Variants in RNF6 observed in about 807,000 individuals in gnomAD.
The protein encoded by RNF6 is E3 ubiquitin-protein ligase RNF6.
RNF6 carries 21 observed loss-of-function variants against 50.1 expected under a neutral mutation model. The ratio of observed to expected loss-of-function variants is 0.42; its 90% CI spans 0.30 to 0.60. RNF6 has a LOEUF of 0.60. Among genes scored for constraint, RNF6 ranks in the 20% least tolerant of loss-of-function variants. The pLI is 0.20. For missense variants in RNF6, 698 were observed against 838.2 expected (o/e 0.83, Z 2.07); for synonymous variants, 255 against 291.8 (o/e 0.87, Z 1.29).
intron 4 of RNF6, among the ~76,000 whole-genome samples, chr13:26,216,543 G>A (rs777278354): frequency 3.3e-5 from 5 of 151,976 alleles, no homozygotes; most frequent in African/African-American, 7.3e-5. Context: ...CTGCCACTGT[G>A]CCAAGCTTAA....
chr13:26,219,282 A>G (rs17083445), intron 3 of RNF6, 175 bp downstream of exon 3: 8,742 of 547,908 alleles, frequency 0.016, 547 homozygotes, highest in African/African-American at 0.14. Context: ...CTTATAAAAT[A>G]CAGAAGCCAG....
intron 5 of RNF6, among the ~76,000 whole-genome samples, chr13:26,145,350 G>C (rs958871049): frequency 4.0e-5 from 6 of 151,818 alleles, no homozygotes; most frequent in African/African-American, 1.5e-4. Flanking sequence ...TCCTTGATGG[G>C]TGATCTGGTT....
At chr13:26,156,453 T>C (rs1871930879) in intron 5 of RNF6, among the ~76,000 whole-genome samples, 1 of 152,148 alleles carries the variant, frequency 6.6e-6, no homozygotes, top group South Asian at 2.1e-4. Flanking sequence ...TTTGCCCAAA[T>C]AAAAGGATAT....
chr13:26,174,216 C>T (rs768348325), intron 5 of RNF6, among the ~76,000 whole-genome samples: 7 of 152,086 alleles, frequency 4.6e-5, no homozygotes, highest in Non-Finnish European at 1.0e-4. Context: ...TTCATCCTCT[C>T]GGTGCCTGTC....
intron 5 of RNF6, among the ~76,000 whole-genome samples, chr13:26,196,738 G>C (rs1237241781): frequency 2.3e-4 from 1 of 4,422 alleles, no homozygotes; most frequent in Non-Finnish European, 0.013. Flanking sequence ...TAAGCTGAAG[G>C]GAAAGTATAC....
intron 5 of RNF6, among the ~76,000 whole-genome samples, chr13:26,207,080 G>A (rs1323308036): frequency 1.3e-5 from 2 of 152,044 alleles, no homozygotes; most frequent in African/African-American, 4.8e-5. Context: ...TGGGCCTACT[G>A]AGCCTAATGG....
Position 26,214,347 on chromosome 13 carries a change from T to A in RNF6, c.1535A>T (p.His512Leu). The stretch of plus-strand genomic sequence containing the variant: ...CAGTTCTGAGTGCATGTCTGGTAAA[T>A]GCTGGCCATTTCTTTGAAGTTCTGA... ...SESELQRNGQ[H>L]LPDMHSELSN... The change falls in exon 5 of 5, where the codon CAT (histidine) becomes CTT (leucine). Residue 512 changes from histidine (H) to leucine (L), a missense_variant. Physicochemically the swap from His to Leu is moderately conservative, Grantham distance 99. Coordinates refer to ENST00000381588, the MANE Select transcript of RNF6 (RefSeq NM_005977.4). 2 of 1,614,164 alleles carry A rather than the reference T, an allele frequency of 1.2e-6. No homozygotes were observed.
intron 5 of RNF6, among the ~76,000 whole-genome samples, chr13:26,170,770 T>C (rs73158254): frequency 0.036 from 5,533 of 152,280 alleles, 108 homozygotes; most frequent in Non-Finnish European, 0.046. Context: ...TGATTCTTAA[T>C]CACAAACCAA....
intron 5 of RNF6, among the ~76,000 whole-genome samples, chr13:26,160,538 CTTCTTCTTTTTT>C (rs1872154568): frequency 2.1e-4 from 11 of 52,760 alleles, no homozygotes; most frequent in African/African-American, 6.0e-4. Flanking sequence ...TTCTTCTCTT[CTTCTTCTTTTTT>C]TTTTTTTTTT....
At chr13:26,154,051 C>T (rs1225923378) in intron 5 of RNF6, 1 of 152,182 alleles carries the variant, frequency 6.6e-6, no homozygotes, top group Non-Finnish European at 1.5e-5. Context: ...GAATCCTAAT[C>T]TAATAACGTG....
chr13:26,138,177 A>G (rs771911771), intron 5 of RNF6, among the ~76,000 whole-genome samples: 29 of 152,316 alleles, frequency 1.9e-4, no homozygotes, highest in Non-Finnish European at 3.2e-4. Context: ...AAACTTTGGC[A>G]TAGAGAAGAC....
At chr13:26,217,338 G>C (rs1869989859) in intron 4 of RNF6, among the ~76,000 whole-genome samples, 1 of 152,206 alleles carries the variant, frequency 6.6e-6, no homozygotes, top group Non-Finnish European at 1.5e-5. Flanking sequence ...ATTAACATTT[G>C]ATTAAGTGTA....
intron 5 of RNF6, among the ~76,000 whole-genome samples, chr13:26,199,568 A>C (rs558540700): frequency 7.1e-4 from 108 of 152,286 alleles, no homozygotes; most frequent in Non-Finnish European, 1.2e-3. Context: ...TTTTCTTCAA[A>C]GATACTATTA....
At chr13:26,137,192 C>T (rs1870689593) in intron 5 of RNF6, among the ~76,000 whole-genome samples, 1 of 152,098 alleles carries the variant, frequency 6.6e-6, no homozygotes, top group African/African-American at 2.4e-5. Flanking sequence ...AAAGCCTCTT[C>T]CTGATGCAGG....
At chr13:26,203,192 T>C (rs1868961346) in intron 5 of RNF6, among the ~76,000 whole-genome samples, 1 of 152,106 alleles carries the variant, frequency 6.6e-6, no homozygotes, top group Admixed American at 6.6e-5. Context: ...TGAGTGCAGG[T>C]TGGGGTTCTC....
intron 4 of RNF6, among the ~76,000 whole-genome samples, chr13:26,217,028 T>C (rs915216206): frequency 2.6e-5 from 4 of 152,196 alleles, no homozygotes; most frequent in Admixed American, 1.3e-4. Context: ...TCCTGCAATC[T>C]CTCTCGTAAG....
chr13:26,218,723 A>G (rs1373275219), intron 3 of RNF6, 117 bp from the exon 4 acceptor site: 1 of 699,176 alleles, frequency 1.4e-6, no homozygotes, highest in Non-Finnish European at 2.4e-6. Flanking sequence ...TTACTTTCAT[A>G]TGTTCTGTAA....
intron 5 of RNF6, among the ~76,000 whole-genome samples, chr13:26,169,638 G>C (rs1380686073): frequency 6.6e-6 from 1 of 152,132 alleles, no homozygotes; most frequent in Non-Finnish European, 1.5e-5. Flanking sequence ...ATGTCTTTCT[G>C]AAGGAACTAG....
intron 5 of RNF6, chr13:26,135,634 C>A (rs768251158): frequency 6.6e-6 from 1 of 152,164 alleles, no homozygotes; most frequent in Non-Finnish European, 1.5e-5. Flanking sequence ...ACTATCTCTT[C>A]ATCAAATTAT....
Sources: gnomAD v4.1 joint callset for allele counts (sites outside exome capture counted in the v4.1 genomes callset) on GRCh38, gnomAD v4.1.1 for gene constraint, MANE v1.5 for transcripts, NCBI Gene and HGNC (gene_info 2026-07-23, HGNC 2026-07-21) for gene names.